OSBPL10: variants seen among roughly 807,000 people sequenced by gnomAD.
The protein encoded by OSBPL10 is oxysterol binding protein like 10.
In OSBPL10, 49 loss-of-function variants were observed where a neutral mutation model predicts 81.7. The observed-to-expected ratio is 0.60, with a 90% CI of 0.48 to 0.76. OSBPL10 has a LOEUF of 0.76. OSBPL10 is among the 30% of genes least tolerant of loss of function. The pLI, the probability that OSBPL10 is intolerant of heterozygous loss-of-function variation, is 0.00. For synonymous variants in OSBPL10, 419 were observed against 383.6 expected (o/e 1.09, Z -1.08); for missense variants, 923 against 987.8 (o/e 0.93, Z 0.88).
At chr3:31,701,174 C>T (rs1375194637) in intron 7 of OSBPL10, among the ~76,000 whole-genome samples, 4 of 152,174 alleles carry the variant, frequency 2.6e-5, no homozygotes, top group African/African-American at 9.7e-5. Flanking sequence ...GAATTCCTCA[C>T]ACTACTGCCG....
At chr3:31,728,815 C>T (rs1166513306) in intron 6 of OSBPL10, among the ~76,000 whole-genome samples, 1 of 152,152 alleles carries the variant, frequency 6.6e-6, no homozygotes, top group African/African-American at 2.4e-5. Context: ...GAGTATCCCT[C>T]ACCTGAAATG....
chr3:31,901,332 T>C (rs1696232404), intron 1 of OSBPL10, among the ~76,000 whole-genome samples: 1 of 152,202 alleles, frequency 6.6e-6, no homozygotes, highest in African/African-American at 2.4e-5. Flanking sequence ...TGCCTACAGG[T>C]CTTACATGAT....
intron 7 of OSBPL10, among the ~76,000 whole-genome samples, chr3:31,685,419 T>C (rs1700766385): frequency 6.6e-6 from 1 of 152,166 alleles, no homozygotes; most frequent in South Asian, 2.1e-4. Flanking sequence ...CCCAGGCTCA[T>C]TACAAACTCC....
At chr3:31,685,755 T>C (rs780507933) in intron 7 of OSBPL10, among the ~76,000 whole-genome samples, 6 of 152,128 alleles carry the variant, frequency 3.9e-5, no homozygotes, top group Non-Finnish European at 7.3e-5. Flanking sequence ...ACCACAAATA[T>C]CACACAGGCT....
intron 1 of OSBPL10, among the ~76,000 whole-genome samples, chr3:31,910,682 C>G (rs1298785866): frequency 2.0e-5 from 3 of 151,886 alleles, no homozygotes; most frequent in Non-Finnish European, 4.4e-5. Context: ...GTCTGGGAAG[C>G]CAGAGAGTCT....
At position 31,666,895 on chromosome 3, in the gene OSBPL10, A is replaced by T. The variant is rs117279023; in HGVS notation, c.2096+1747T>A. Among the ~76,000 whole-genome samples, 10 of 152,296 alleles carry T rather than the reference A, an allele frequency of 6.6e-5. No homozygotes were observed. In the East Asian group the frequency reaches 1.9e-3, roughly 29 times the overall value. Reference sequence around the variant, plus strand: ...ACTGCAGGTAACAGAAACTAAAGAAAGCAAAATCACAGATAAAGGGGGCTA... The same window carrying T: ...ACTGCAGGTAACAGAAACTAAAGAATGCAAAATCACAGATAAAGGGGGCTA... On this transcript the variant is annotated intron_variant, in intron 10 of 11. Coordinates refer to ENST00000396556, the MANE Select transcript of OSBPL10 (RefSeq NM_017784.5).
chr3:31,734,435 C>T (rs1697085530), intron 5 of OSBPL10, among the ~76,000 whole-genome samples: 1 of 152,022 alleles, frequency 6.6e-6, no homozygotes, highest in Admixed American at 6.6e-5. Flanking sequence ...AGCAATTCTG[C>T]CATTCGAATA....
intron 3 of OSBPL10, among the ~76,000 whole-genome samples, chr3:31,865,555 G>A (rs1432609209): frequency 6.6e-6 from 1 of 152,160 alleles, no homozygotes; most frequent in Non-Finnish European, 1.5e-5. Flanking sequence ...TAACCCCCAA[G>A]TTGATAGCAT....
At chr3:31,684,583 G>A (rs995197935) in intron 7 of OSBPL10, among the ~76,000 whole-genome samples, 6 of 152,162 alleles carry the variant, frequency 3.9e-5, no homozygotes, top group Admixed American at 3.9e-4. Flanking sequence ...ACTTCATAGG[G>A]GGTCCAGGCA....
chr3:31,897,957 G>A (rs1249053707), intron 1 of OSBPL10, among the ~76,000 whole-genome samples: 1 of 136,494 alleles, frequency 7.3e-6, no homozygotes, highest in African/African-American at 2.6e-5. Flanking sequence ...GCAGTGAGCC[G>A]AGATCATGCC....
intron 7 of OSBPL10, among the ~76,000 whole-genome samples, chr3:31,700,763 C>T (rs1695868053): frequency 6.6e-6 from 1 of 152,164 alleles, no homozygotes; most frequent in African/African-American, 2.4e-5. Flanking sequence ...CTACACAATC[C>T]ACAAGAATAA....
intron 6 of OSBPL10, among the ~76,000 whole-genome samples, chr3:31,732,217 A>G (rs543990625): frequency 1.3e-5 from 2 of 152,194 alleles, no homozygotes; most frequent in African/African-American, 4.8e-5. Flanking sequence ...CACAGCCACT[A>G]TTCACTTCAC....
chr3:31,749,361 T>C (rs539399746), intron 4 of OSBPL10, among the ~76,000 whole-genome samples: 15 of 152,224 alleles, frequency 9.9e-5, no homozygotes, highest in Non-Finnish European at 1.5e-4. Flanking sequence ...TCCACAGATG[T>C]GGTTTGAGCG....
chr3:31,954,763 T>A (rs1309953699), intron 1 of OSBPL10, among the ~76,000 whole-genome samples: 1 of 152,186 alleles, frequency 6.6e-6, no homozygotes, highest in Non-Finnish European at 1.5e-5. Context: ...AAATTTTACA[T>A]CAAGAGAAAT....
chr3:32,046,796 A>G (rs1421028129), intron 1 of OSBPL10, among the ~76,000 whole-genome samples: 1 of 152,200 alleles, frequency 6.6e-6, no homozygotes, highest in African/African-American at 2.4e-5. Context: ...AATAGCTACT[A>G]TTATTATCCC....
intron 1 of OSBPL10, among the ~76,000 whole-genome samples, chr3:31,934,085 A>C (rs891373073): frequency 7.9e-5 from 12 of 151,870 alleles, no homozygotes; most frequent in Non-Finnish European, 1.5e-4. Context: ...TTAAAAAAAA[A>C]AAAACAAAAA....
chr3:31,799,376 CT>C (rs1285427771), intron 4 of OSBPL10, among the ~76,000 whole-genome samples: 21 of 47,854 alleles, frequency 4.4e-4, no homozygotes, highest in African/African-American at 1.6e-3. Flanking sequence ...ACCCCTATCT[CT>C]TTAAAAAAAA....
chr3:31,731,484 CTTTCT>C (rs1262572597), intron 6 of OSBPL10, among the ~76,000 whole-genome samples: 1 of 136,398 alleles, frequency 7.3e-6, no homozygotes, highest in East Asian at 2.6e-4. Context: ...TTAGTTATTT[CTTTCT>C]TTTTTTTTTT....
chr3:31,927,324 A>G (rs896511218), intron 1 of OSBPL10, among the ~76,000 whole-genome samples: 1 of 152,234 alleles, frequency 6.6e-6, no homozygotes, highest in South Asian at 2.1e-4. Flanking sequence ...CAACCACATC[A>G]TATCATAAAA....
Sources: allele counts gnomAD v4.1 joint callset (sites outside exome capture counted in the v4.1 genomes callset), GRCh38; gene constraint gnomAD v4.1.1; transcripts MANE v1.5; gene names NCBI Gene and HGNC (gene_info 2026-07-23, HGNC 2026-07-21).